The following RBFOX1 variants were observed in gnomAD, a reference collection of about 807,000 sequenced individuals.
The protein encoded by RBFOX1 is RNA binding protein fox-1 homolog 1.
RBFOX1 carries 8 observed loss-of-function variants against 57.7 expected under a neutral mutation model. The observed-to-expected ratio is 0.14, with a 90% confidence interval of 0.08 to 0.25. RBFOX1 has a LOEUF of 0.25. Among genes scored for constraint, RBFOX1 ranks in the 10% least tolerant of loss-of-function variants. The pLI is 1.00. For synonymous variants in RBFOX1, 326 were observed against 222.4 expected (o/e 1.47, Z -4.15); for missense variants, 611 against 548.5 (o/e 1.11, Z -1.14).
At position 6,112,556 on chromosome 16, in the gene RBFOX1, T is replaced by C. The variant is rs147954627; in HGVS notation, c.-127+92564T>C. 5.3e-5 allele frequency among the ~76,000 whole-genome samples: 8 copies of C among 152,268 alleles called. No individual in the cohort carries two copies. The East Asian group carries it at 9.7e-4, about 18-fold the overall frequency. On this transcript the variant is annotated intron_variant, in intron 1 of 15. Transcript: ENST00000550418. ...AAATACAAAAGTTAGCTGTGCATGG[T>C]GGTGCATGCCTGTAATCCCAGCTAC... is the stretch of plus-strand genomic sequence containing the variant.
intron 4 of RBFOX1, among the ~76,000 whole-genome samples, chr16:7,486,532 C>A (rs920830804): frequency 6.6e-6 from 1 of 152,128 alleles, no homozygotes; most frequent in African/African-American, 2.4e-5. Flanking sequence ...ACATCCATAA[C>A]TTGGGCATAA....
At chr16:7,319,063 T>A (rs2096496072) in intron 4 of RBFOX1, among the ~76,000 whole-genome samples, 1 of 152,152 alleles carries the variant, frequency 6.6e-6, no homozygotes, top group African/African-American at 2.4e-5. Flanking sequence ...CCAGTGCCAA[T>A]TTTTTTCTTC....
intron 1 of RBFOX1, among the ~76,000 whole-genome samples, chr16:5,451,971 A>G (rs1379883407): frequency 6.6e-6 from 1 of 151,998 alleles, no homozygotes; most frequent in Non-Finnish European, 1.5e-5. Context: ...AAAATTCACC[A>G]TCAAATTGAA....
At chr16:7,329,569 A>T (rs1319321758) in intron 4 of RBFOX1, among the ~76,000 whole-genome samples, 1 of 152,228 alleles carries the variant, frequency 6.6e-6, no homozygotes, top group Non-Finnish European at 1.5e-5. Flanking sequence ...TTATTTATTT[A>T]CAGGCTTTAT....
rs1345405645 is a variant in RBFOX1, at chr16:6,104,656, C to G, written c.-127+84664C>G. On this transcript the variant is annotated intron_variant, in intron 1 of 15. Transcript: ENST00000550418. The stretch of plus-strand genomic sequence containing the variant: ...AAAATAGCCCAGAAGTGTAAGCAGT[C>G]AAAATGTCCATCAACTGGTGAGTCA... 2.6e-5 allele frequency among the ~76,000 whole-genome samples: 4 copies of G among 152,116 alleles called. No individual in the cohort carries two copies. In the East Asian group the frequency reaches 5.8e-4, roughly 22 times the overall value.
chr16:6,893,009 T>C (rs899551431), intron 3 of RBFOX1, among the ~76,000 whole-genome samples: 3 of 152,168 alleles, frequency 2.0e-5, no homozygotes, highest in Non-Finnish European at 2.9e-5. Context: ...TTACTTTTCA[T>C]TGCAAACACT....
chr16:7,043,394 T>C (rs753377574), intron 3 of RBFOX1, among the ~76,000 whole-genome samples: 5 of 152,190 alleles, frequency 3.3e-5, no homozygotes, highest in Non-Finnish European at 7.3e-5. Flanking sequence ...AGCACAGCGC[T>C]AGGCAGTTAG....
At chr16:5,677,010 C>T (rs76212137) in intron 3 of RBFOX1, among the ~76,000 whole-genome samples, 1,644 of 152,324 alleles carry the variant, frequency 0.011, 11 homozygotes, top group Non-Finnish European at 0.015. Flanking sequence ...GTAAATATCT[C>T]AGTTTTCCTT....
chr16:6,117,902 C>T (rs781386455), intron 1 of RBFOX1, among the ~76,000 whole-genome samples: 2 of 152,144 alleles, frequency 1.3e-5, no homozygotes, highest in South Asian at 4.1e-4. Flanking sequence ...TAAATATTTT[C>T]TTCTAAACAC....
chr16:6,912,908 C>G (rs916005670), intron 3 of RBFOX1, among the ~76,000 whole-genome samples: 2 of 152,130 alleles, frequency 1.3e-5, no homozygotes, highest in Non-Finnish European at 2.9e-5. Flanking sequence ...GCATGAGCCA[C>G]CAAGCCCAGC....
intron 4 of RBFOX1, among the ~76,000 whole-genome samples, chr16:7,398,211 CA>C (rs1325473223): frequency 6.6e-6 from 1 of 152,200 alleles, no homozygotes; most frequent in Non-Finnish European, 1.5e-5. Flanking sequence ...CTTAAAGCAT[CA>C]GTATCATTGC....
chr16:6,865,184 G>C (rs188147668), intron 3 of RBFOX1, among the ~76,000 whole-genome samples: 9 of 151,816 alleles, frequency 5.9e-5, no homozygotes, highest in East Asian at 1.9e-4. Context: ...TGTACTTTTA[G>C]TAGAGATGGG....
At chr16:5,759,105 A>C (rs1018405508) in intron 3 of RBFOX1, among the ~76,000 whole-genome samples, 1 of 152,160 alleles carries the variant, frequency 6.6e-6, no homozygotes, top group Non-Finnish European at 1.5e-5. Flanking sequence ...TCTGAAGAAC[A>C]TGCTTCCTTT....
chr16:5,574,848 T>C (rs1010436417), intron 2 of RBFOX1, among the ~76,000 whole-genome samples: 1 of 152,180 alleles, frequency 6.6e-6, no homozygotes, highest in Non-Finnish European at 1.5e-5. Flanking sequence ...AAGGCTTGGC[T>C]CCAGAAGGAG....
At chr16:6,155,744 G>A (rs532186938) in intron 1 of RBFOX1, among the ~76,000 whole-genome samples, 3 of 152,280 alleles carry the variant, frequency 2.0e-5, no homozygotes, top group South Asian at 2.1e-4. Context: ...GACGGCAGGT[G>A]GCTAACAGCG....
Position 6,019,918 on chromosome 16 carries a change from G to A in RBFOX1, c.-201G>A. On this transcript the variant is annotated 5_prime_UTR_variant, in exon 1 of 16. The change creates a new upstream start codon in the 5' untranslated region. Coordinates refer to ENST00000550418, the MANE Select transcript of RBFOX1 (RefSeq NM_018723.4). The surrounding 1 kb of genome is among the most constrained non-coding windows in gnomAD (Gnocchi z 4.2). Reference sequence around the variant, plus strand: ...CAGCTTATGGTGAGTGTGGCTGGGGGTGCAGAGAGCGCACGGGAATTCGGG... The same window carrying A: ...CAGCTTATGGTGAGTGTGGCTGGGGATGCAGAGAGCGCACGGGAATTCGGG... 4.6e-6 allele frequency: 7 copies of A among 1,534,984 alleles called. No individual in the cohort carries two copies. Among genetic ancestry groups the A allele is most frequent in the Non-Finnish European group, 5.2e-6 (6 of 1,146,464 alleles).
chr16:5,683,837 T>A (rs906722357), intron 3 of RBFOX1, among the ~76,000 whole-genome samples: 2 of 149,162 alleles, frequency 1.3e-5, no homozygotes, highest in African/African-American at 4.9e-5. Context: ...GTATATTATA[T>A]GTAAATTATG....
chr16:7,568,209 AGAGCAGCCCTGAGGGCTGCTGGTT>A (rs1298059606), intron 5 of RBFOX1, among the ~76,000 whole-genome samples: 3 of 152,208 alleles, frequency 2.0e-5, no homozygotes, highest in Admixed American at 1.3e-4. Flanking sequence ...CTCCATAGGT[AGAGCAGCCCTGAGGGCTGCTGGTT>A]GCCTGTTTTT....
At chr16:6,853,770 C>T (rs746510593) in intron 3 of RBFOX1, among the ~76,000 whole-genome samples, 35 of 152,108 alleles carry the variant, frequency 2.3e-4, no homozygotes, top group Non-Finnish European at 4.7e-4. Flanking sequence ...AGAGGAGCTG[C>T]ACTCTGACCT....
Sources: allele counts gnomAD v4.1 joint callset (sites outside exome capture counted in the v4.1 genomes callset), GRCh38; gene constraint gnomAD v4.1.1; non-coding constraint Gnocchi (gnomAD v3.1); transcripts MANE v1.5; gene names NCBI Gene and HGNC (gene_info 2026-07-23, HGNC 2026-07-21).